UNC5D: variants seen among roughly 807,000 people sequenced by gnomAD.
UNC5D encodes the protein unc-5 netrin receptor D.
A neutral mutation model predicts 105.4 loss-of-function variants in UNC5D; 39 were observed. That is an observed-to-expected ratio of 0.37 (90% CI 0.29 to 0.48). The LOEUF (loss-of-function observed/expected upper bound fraction) is 0.48, where lower values mean the gene tolerates loss of function less well. UNC5D is among the 20% of genes least tolerant of loss of function. The probability of loss-of-function intolerance (pLI) is 0.98; values close to 1 mark genes in which losing one functional copy is unlikely to be tolerated. For missense variants in UNC5D, 991 were observed against 1,202.4 expected (o/e 0.82, Z 2.60); for synonymous variants, 452 against 450.4 (o/e 1.00, Z -0.04).
Position 35,595,608 on chromosome 8 carries a change from G to C in UNC5D, c.521G>C (p.Gly174Ala), listed in dbSNP as rs1188515617. Residue 174 changes from glycine (G) to alanine (A), a missense_variant, in exon 4 of 17, where the codon GGC becomes GCC. This residue lies in a region of UNC5D where 944 missense variants were observed against 1,131.6 expected (regional missense o/e 0.83). Transcript: ENST00000404895. ...DPQGREVPIE[G>A]MIVLHCRPPE... ...CAAGGAAGGGAAGTTCCCATTGAAG[G>C]CATGATTGTACTGCACTGCCGCCCA... 1 of 1,614,086 alleles carries C rather than the reference G, an allele frequency of 6.2e-7. No individual in the cohort carries two copies. Among genetic ancestry groups the C allele is most frequent in the South Asian group, 1.1e-5 (1 of 91,084 alleles).
At chr8:35,287,223 G>A (rs954952016) in intron 1 of UNC5D, among the ~76,000 whole-genome samples, 1 of 152,050 alleles carries the variant, frequency 6.6e-6, no homozygotes, top group Non-Finnish European at 1.5e-5. Context: ...TGAAAAATCA[G>A]GCAACATGAC....
intron 1 of UNC5D, chr8:35,256,184 G>A (rs542488307): frequency 2.2e-4 from 34 of 152,282 alleles, no homozygotes; most frequent in African/African-American, 7.2e-4. Flanking sequence ...AAAGCACCTC[G>A]ATGGCAGGGA....
intron 1 of UNC5D, among the ~76,000 whole-genome samples, chr8:35,490,218 T>TGGA (rs1408970594): frequency 2.0e-5 from 3 of 152,196 alleles, no homozygotes; most frequent in Non-Finnish European, 4.4e-5. Flanking sequence ...TTAACAATTT[T>TGGA]GGAGCGGGGC....
chr8:35,512,512 G>A (rs1460736306), intron 1 of UNC5D, among the ~76,000 whole-genome samples: 27 of 42,316 alleles, frequency 6.4e-4, no homozygotes, highest in Admixed American at 1.1e-3. Context: ...ATATATATCT[G>A]CATAGATTAT....
chr8:35,633,952 G>A (rs1302038261), intron 4 of UNC5D, among the ~76,000 whole-genome samples: 1 of 152,188 alleles, frequency 6.6e-6, no homozygotes, highest in African/African-American at 2.4e-5. Context: ...TTGGCAAGAA[G>A]CCGAATCAAA....
rs183589843 is a variant in UNC5D, at chr8:35,556,846, G to C, written c.322+7336G>C. On this transcript the variant is annotated intron_variant, in intron 2 of 16. Coordinates refer to ENST00000404895, the MANE Select transcript of UNC5D (RefSeq NM_080872.4). ...CTAGAGACTAGGAATGCATATCTTT[G>C]TGGGAACACAGCCCTGCAAGTTCCA... is the stretch of plus-strand genomic sequence containing the variant. 3.3e-5 allele frequency among the ~76,000 whole-genome samples: 5 copies of C among 152,236 alleles called. No individual in the cohort carries two copies. In the East Asian group the frequency reaches 9.7e-4, roughly 29 times the overall value.
intron 3 of UNC5D, among the ~76,000 whole-genome samples, chr8:35,587,344 T>C (rs1304181965): frequency 6.6e-6 from 1 of 152,210 alleles, no homozygotes. Context: ...AGTGTTATTT[T>C]AGCATCATTG....
intron 2 of UNC5D, among the ~76,000 whole-genome samples, chr8:35,566,835 A>G (rs113694945): frequency 0.022 from 3,322 of 152,250 alleles, 106 homozygotes; most frequent in African/African-American, 0.075. Context: ...GCAAAGCACA[A>G]CCTCAGAGAA....
chr8:35,737,344 G>A (rs773924549), intron 11 of UNC5D, among the ~76,000 whole-genome samples: 1 of 145,732 alleles, frequency 6.9e-6, no homozygotes, highest in Non-Finnish European at 1.5e-5. Context: ...CAGAATTCTG[G>A]CTCAGAAACT....
chr8:35,289,357 T>G (rs908141754), intron 1 of UNC5D, among the ~76,000 whole-genome samples: 2 of 152,136 alleles, frequency 1.3e-5, no homozygotes, highest in African/African-American at 4.8e-5. Flanking sequence ...GAAATACATA[T>G]AGAAATTATT....
At chr8:35,490,223 C>T (rs538412191) in intron 1 of UNC5D, among the ~76,000 whole-genome samples, 22 of 152,228 alleles carry the variant, frequency 1.4e-4, no homozygotes, top group African/African-American at 4.3e-4. Context: ...AATTTTGGAG[C>T]GGGGCACTAT....
chr8:35,282,098 A>G (rs1806229150), intron 1 of UNC5D, among the ~76,000 whole-genome samples: 1 of 152,218 alleles, frequency 6.6e-6, no homozygotes, highest in Admixed American at 6.5e-5. Flanking sequence ...CAGAAGCAGG[A>G]ATTTGGTCTA....
intron 1 of UNC5D, among the ~76,000 whole-genome samples, chr8:35,395,301 A>C (rs1250724818): frequency 6.6e-6 from 1 of 152,220 alleles, no homozygotes; most frequent in Non-Finnish European, 1.5e-5. Flanking sequence ...ACGCTAGTTG[A>C]TCATCAAAAT....
At chr8:35,488,802 C>T (rs1210758270) in intron 1 of UNC5D, among the ~76,000 whole-genome samples, 1 of 152,108 alleles carries the variant, frequency 6.6e-6, no homozygotes, top group Non-Finnish European at 1.5e-5. Context: ...GGCGATGGGA[C>T]AAGGATTTTG....
intron 1 of UNC5D, among the ~76,000 whole-genome samples, chr8:35,425,664 TTC>T (rs998800983): frequency 2.7e-4 from 41 of 152,290 alleles, no homozygotes; most frequent in Admixed American, 5.2e-4. Flanking sequence ...CCAATTGTCT[TTC>T]TCCTATTCAC....
intron 1 of UNC5D, among the ~76,000 whole-genome samples, chr8:35,534,293 A>G (rs1814667987): frequency 6.6e-6 from 1 of 152,068 alleles, no homozygotes; most frequent in Non-Finnish European, 1.5e-5. Flanking sequence ...CATTGTTTCC[A>G]TCCTACTGTC....
intron 1 of UNC5D, among the ~76,000 whole-genome samples, chr8:35,301,544 G>A (rs1807958470): frequency 6.6e-6 from 1 of 152,154 alleles, no homozygotes. Context: ...GTTACAGCTA[G>A]GCGTTTGCCT....
chr8:35,489,125 G>C (rs1008331755), intron 1 of UNC5D, among the ~76,000 whole-genome samples: 3 of 151,668 alleles, frequency 2.0e-5, no homozygotes, highest in Non-Finnish European at 4.4e-5. Flanking sequence ...TCTTGCTTCA[G>C]CCTCCCAAGT....
intron 1 of UNC5D, among the ~76,000 whole-genome samples, chr8:35,539,707 G>A (rs572152810): frequency 1.3e-5 from 2 of 152,194 alleles, no homozygotes; most frequent in Admixed American, 1.3e-4. Flanking sequence ...AAATTCCGTC[G>A]AATCATGTTC....
Sources: allele counts gnomAD v4.1 joint callset (sites outside exome capture counted in the v4.1 genomes callset), GRCh38; gene constraint gnomAD v4.1.1; regional missense constraint gnomAD v4.1.1; transcripts MANE v1.5; gene names NCBI Gene and HGNC (gene_info 2026-07-23, HGNC 2026-07-21).